Variants in VWCE observed in about 807,000 individuals in gnomAD.
VWCE encodes von Willebrand factor C and EGF domain-containing protein.
Under a neutral mutation model 102.9 loss-of-function variants are expected in VWCE, and 68 were observed. That is an observed-to-expected ratio of 0.66 (90% CI 0.54 to 0.81). VWCE has a LOEUF of 0.81. Ranked by LOEUF, VWCE falls within the 30% of genes least tolerant of loss-of-function variation. VWCE has a pLI of 0.00. For synonymous variants in VWCE, 497 were observed against 515.4 expected (o/e 0.96, Z 0.48); for missense variants, 1,137 against 1,263.6 (o/e 0.90, Z 1.52).
intron 4 of VWCE, among the ~76,000 whole-genome samples, chr11:61,286,655 G>T (rs1206035262): frequency 6.6e-6 from 1 of 151,588 alleles, no homozygotes; most frequent in Non-Finnish European, 1.5e-5. Context: ...TACAAAATTA[G>T]CCAGGCATGG....
intron 5 of VWCE, 37 bp downstream of exon 5, chr11:61,286,277 C>T: frequency 6.3e-7 from 1 of 1,583,498 alleles, no homozygotes; most frequent in Non-Finnish European, 8.6e-7. Context: ...ATCCCCATTA[C>T]CCCTCCCAGA....
At chr11:61,272,328 G>A (rs746818333) in intron 13 of VWCE, among the ~76,000 whole-genome samples, 17 of 150,428 alleles carry the variant, frequency 1.1e-4, no homozygotes, top group Admixed American at 2.7e-4. Context: ...ACTACTCAGA[G>A]AGACACAAAC....
At chr11:61,273,391 C>A (rs1251587287) in intron 12 of VWCE, 75 bp from the exon 13 acceptor site, 1 of 1,398,066 alleles carries the variant, frequency 7.2e-7, no homozygotes, top group African/African-American at 1.5e-5. Context: ...GAGGAGGCCG[C>A]AGGCTGCCTG....
At chr11:61,278,154 C>T (rs1430688602) in intron 10 of VWCE, among the ~76,000 whole-genome samples, 2 of 152,204 alleles carry the variant, frequency 1.3e-5, no homozygotes, top group African/African-American at 4.8e-5. Flanking sequence ...AACAGACGGA[C>T]CCTGTGTGCC....
chr11:61,281,198 C>T lies in VWCE; in HGVS notation c.825G>A (p.Leu275=), dbSNP rs767572754. ...PKAVLAPSAI[L]QPRQHPSKML... ...TCTTGGACGGGTGTTGCCGGGGTTGCAGGATGGCAGATGGGGCCAGCACGG... is the reference window on the plus strand; with the variant it reads ...TCTTGGACGGGTGTTGCCGGGGTTGTAGGATGGCAGATGGGGCCAGCACGG... The change falls in exon 8 of 20, where the codon CTG becomes CTA. Residue 275 remains leucine, a synonymous_variant. Transcript: ENST00000335613. 1.9e-6 allele frequency: 3 copies of T among 1,613,096 alleles called. No homozygotes were observed. The highest frequency in any genetic ancestry group is 2.5e-6 in the Non-Finnish European group (3 of 1,179,996).
chr11:61,278,404 C>G lies in VWCE; in HGVS notation c.1397G>C (p.Cys466Ser), dbSNP rs774957863. Reference sequence around the variant, plus strand: ...TCTTGTGACGCTTACCAGACAGACACAGACGGTGCAGTTCTCATTGGGAGG... The same window carrying G: ...TCTTGTGACGCTTACCAGACAGACAGAGACGGTGCAGTTCTCATTGGGAGG... Reference protein sequence around the residue: ...FSPPNENCTVCVCLAGNVSCI... With the variant: ...FSPPNENCTVSVCLAGNVSCI... Residue 466 changes from cysteine (C) to serine (S), a missense_variant, in exon 10 of 20, where the codon TGT becomes TCT. This residue lies in a region of VWCE where 575 missense variants were observed against 625.9 expected (regional missense o/e 0.92). Transcript: ENST00000335613. 6.2e-7 allele frequency: 1 copy of G among 1,614,178 alleles called. No individual in the cohort carries two copies. The highest frequency in any genetic ancestry group is 2.2e-5 in the East Asian group (1 of 44,886).
At position 61,258,855 on chromosome 11, in the gene VWCE, C is replaced by T. The variant is rs141714052; in HGVS notation, c.2688G>A (p.Thr896=). Reference sequence around the variant, plus strand: ...CCATCATGGAAAGTGCTGAAGCTTCCGTCAGGAGGGTGCCAGGCAGAGGAG... The same window carrying T: ...CCATCATGGAAAGTGCTGAAGCTTCTGTCAGGAGGGTGCCAGGCAGAGGAG... ...RWPPLPGTLL[T]EASALSMMDP... Residue 896 remains threonine, a synonymous_variant, in exon 20 of 20, where the codon ACG becomes ACA. Transcript: ENST00000335613. The T allele has an allele frequency of 6.5e-5, 98 of 1,517,528 alleles. No individual in the cohort carries two copies. The African/African-American group carries it at 1.2e-3, about 18-fold the overall frequency. The allele number at this position is 1,517,528 out of a possible 1,614,324, so 94.0% of individuals were successfully genotyped here. A position where few individuals can be genotyped will look rare whatever the true frequency, so the allele number is the denominator to read the frequency against.
Position 61,262,063 on chromosome 11 carries a change from C to T in VWCE, c.2230+2424G>A, listed in dbSNP as rs537576783. The stretch of plus-strand genomic sequence containing the variant: ...CCATCTCCCAGGTTCAAGCAATTCT[C>T]CTGCCTCAGCCTCCCAAATAGCTGA... On this transcript the variant is annotated intron_variant, in intron 19 of 19. Coordinates refer to ENST00000335613, the MANE Select transcript of VWCE (RefSeq NM_152718.2). Among the ~76,000 whole-genome samples, 56 of 152,226 alleles carry T rather than the reference C, an allele frequency of 3.7e-4. No individual in the cohort carries two copies. The East Asian group carries it at 0.01, about 28-fold the overall frequency.
rs901465901 is a variant in VWCE, at chr11:61,294,323, C to A, written c.110+605G>T. Among the ~76,000 whole-genome samples, 1 of 152,236 alleles carries A rather than the reference C, an allele frequency of 6.6e-6. No homozygotes were observed. Among genetic ancestry groups the A allele is most frequent in the African/African-American group, 2.4e-5 (1 of 41,470 alleles). ...CGCCTGCTGACACAGTGTTCCCTAG[C>A]TCCGAGCATCACGCACACACGCGCA... On this transcript the variant is annotated intron_variant, in intron 1 of 19. Coordinates refer to ENST00000335613, the MANE Select transcript of VWCE (RefSeq NM_152718.2). The surrounding 1 kb of genome is among the most constrained non-coding windows in gnomAD (Gnocchi z 6.3).
rs550549151 is a variant in VWCE at position 61,287,713 on chromosome 11, T to C, written c.425-1283A>G. ...AGCGACTGGCTGAGAGGACCAGGAG[T>C]ATCGGGAGAAGGACTGCCCAGGTGG... On this transcript the variant is annotated intron_variant, in intron 4 of 19. Coordinates refer to ENST00000335613, the MANE Select transcript of VWCE (RefSeq NM_152718.2). Among the ~76,000 whole-genome samples, 5 of 151,192 alleles carry C rather than the reference T, an allele frequency of 3.3e-5. No individual in the cohort carries two copies. The East Asian group carries it at 9.7e-4, about 29-fold the overall frequency.
Position 61,295,281 on chromosome 11 carries a change from A to C in VWCE, c.-244T>G. On this transcript the variant is annotated 5_prime_UTR_variant, in exon 1 of 20. Transcript: ENST00000335613. This position sits in a 1 kb window ranked among gnomAD's most constrained non-coding sequence, Gnocchi z 4.6. ...CCTCGAAGCGAAACACACAAAGGCAACGCCGCCCGCCTGCTGATGCCTCTC... is the reference window on the plus strand; with the variant it reads ...CCTCGAAGCGAAACACACAAAGGCACCGCCGCCCGCCTGCTGATGCCTCTC... The C allele has an allele frequency of 5.9e-6, 2 of 338,812 alleles. No homozygotes were observed. The highest frequency in any genetic ancestry group is 5.3e-6 in the Non-Finnish European group (1 of 187,880). The allele number at this position is 338,812 out of a possible 1,614,324, so 21.0% of individuals were successfully genotyped here.
chr11:61,265,148 T>C lies in VWCE; in HGVS notation c.2030A>G (p.Asp677Gly). Residue 677 changes from aspartate to glycine, a missense_variant, in exon 17 of 20, where the codon GAC (aspartate) becomes GGC (glycine). Coordinates refer to ENST00000335613, the MANE Select transcript of VWCE (RefSeq NM_152718.2). ...TCGGCACACGGGGCAGCACTCCCCG[T>C]CAGGGTGGAAAGGGTAGGTACAGGT... ...PITCTYPFHPDGECCPVCRDC... is the reference protein window; with the variant it reads ...PITCTYPFHPGGECCPVCRDC... 1 of 1,585,008 alleles carries C rather than the reference T, an allele frequency of 6.3e-7. No homozygotes were observed. The highest frequency in any genetic ancestry group is 8.6e-7 in the Non-Finnish European group (1 of 1,165,336).
Position 61,273,432 on chromosome 11 carries a change from T to A in VWCE, c.1582-116A>T, listed in dbSNP as rs183575415. ...ACCCTCCCGGCTACTCAAGTGAAAC[T>A]GACAAAGAAATCTACTAAAGTGAAA... On this transcript the variant is annotated intron_variant, in intron 12 of 19. Coordinates refer to ENST00000335613, the MANE Select transcript of VWCE (RefSeq NM_152718.2). 9.4e-5 allele frequency: 90 copies of A among 952,844 alleles called. No homozygotes were observed. In the Admixed American group the frequency reaches 2.0e-3, roughly 21 times the overall value. The allele number at this position is 952,844 out of a possible 1,614,324, so 59.0% of individuals were successfully genotyped here. A position where few individuals can be genotyped will look rare whatever the true frequency, so the allele number is the denominator to read the frequency against.
In VWCE at chr11:61,278,267, C is replaced by T. The variant is rs1430665006; in HGVS notation, c.1407+127G>A. On this transcript the variant is annotated intron_variant, in intron 10 of 19. Coordinates refer to ENST00000335613, the MANE Select transcript of VWCE (RefSeq NM_152718.2). The stretch of plus-strand genomic sequence containing the variant: ...AATTCTACAGCTTCTAACCAAATTC[C>T]ACAACCTGAGAATGTTCCCTTCCAC... The T allele has an allele frequency of 8.5e-6, 9 of 1,057,428 alleles. No individual in the cohort carries two copies. The African/African-American group carries it at 1.3e-4, about 15-fold the overall frequency. 65.5% of individuals were successfully genotyped at this position (1,057,428 alleles called of 1,614,324 possible). A position where few individuals can be genotyped will look rare whatever the true frequency, so the allele number is the denominator to read the frequency against.
At chr11:61,285,202 G>A (rs1299038267) in intron 5 of VWCE, among the ~76,000 whole-genome samples, 1 of 152,152 alleles carries the variant, frequency 6.6e-6, no homozygotes, top group Non-Finnish European at 1.5e-5. Flanking sequence ...AGGGAGAGCA[G>A]AGGGCAGCAG....
chr11:61,260,100 C>A (rs539790205), intron 19 of VWCE, among the ~76,000 whole-genome samples: 1 of 152,134 alleles, frequency 6.6e-6, no homozygotes, highest in Non-Finnish European at 1.5e-5. Context: ...ACTAAAAATA[C>A]AAAACTTAAC....
At chr11:61,260,763 C>G (rs568141602) in intron 19 of VWCE, among the ~76,000 whole-genome samples, 2 of 152,140 alleles carry the variant, frequency 1.3e-5, no homozygotes, top group Non-Finnish European at 2.9e-5. Context: ...ATTGATAACC[C>G]AGGAAAAGAT....
At chr11:61,277,099 CAG>C (rs1028510249) in intron 10 of VWCE, among the ~76,000 whole-genome samples, 6 of 123,972 alleles carry the variant, frequency 4.8e-5, no homozygotes, top group African/African-American at 1.6e-4. Context: ...AAGAGAGAAA[CAG>C]AGAAGTGAGA....
chr11:61,289,384 G>C (rs569177378), intron 4 of VWCE, among the ~76,000 whole-genome samples: 1 of 151,900 alleles, frequency 6.6e-6, no homozygotes, highest in African/African-American at 2.4e-5. Context: ...CTGAGTAGCC[G>C]GGATTACAGG....
Sources: gnomAD v4.1 joint callset for allele counts (sites outside exome capture counted in the v4.1 genomes callset) on GRCh38, gnomAD v4.1.1 for gene constraint, gnomAD v4.1.1 regional missense constraint, Gnocchi (gnomAD v3.1) non-coding constraint, MANE v1.5 for transcripts, NCBI Gene and HGNC (gene_info 2026-07-23, HGNC 2026-07-21) for gene names.